Variants in LRRC20 observed in about 807,000 individuals in gnomAD.
LRRC20 encodes the protein leucine-rich repeat-containing protein 20.
A neutral mutation model predicts 14.4 loss-of-function variants in LRRC20; 11 were observed. The observed-to-expected ratio is 0.77, with a 90% CI of 0.48 to 1.27. The LOEUF (loss-of-function observed/expected upper bound fraction) is 1.27, where lower values mean the gene tolerates loss of function less well. LRRC20 is among the 50% of genes most tolerant of loss of function. The pLI is 0.00. For synonymous variants in LRRC20, 121 were observed against 107.3 expected (o/e 1.13, Z -0.79); for missense variants, 219 against 251.2 (o/e 0.87, Z 0.87).
intron 3 of LRRC20, among the ~76,000 whole-genome samples, chr10:70,325,987 A>G (rs527880417): frequency 6.6e-6 from 1 of 152,246 alleles, no homozygotes; most frequent in Non-Finnish European, 1.5e-5. Context: ...GGTAAAATTC[A>G]TGCTCAATTT....
chr10:70,374,225 C>A (rs1372046498), intron 2 of LRRC20, among the ~76,000 whole-genome samples: 1 of 152,186 alleles, frequency 6.6e-6, no homozygotes, highest in Non-Finnish European at 1.5e-5. Context: ...CTCTCTCAAA[C>A]AGCACCCATC....
At chr10:70,312,859 A>C (rs1350367691) in intron 4 of LRRC20, among the ~76,000 whole-genome samples, 1 of 152,202 alleles carries the variant, frequency 6.6e-6, no homozygotes, top group Non-Finnish European at 1.5e-5. Flanking sequence ...CCCCATCAAT[A>C]GGATGGGAAG....
In LRRC20 at chr10:70,377,828, T is replaced by C. The variant is rs529111738; in HGVS notation, c.-63-1232A>G. On this transcript the variant is annotated intron_variant, in intron 1 of 4. Coordinates refer to ENST00000446961, the MANE Select transcript of LRRC20 (RefSeq NM_001278212.2). ...AGGGAGTTACTGTGAGTTTAGTATG[T>C]GTGTGCATTTCCACTAAAGAGGCTG... is the stretch of plus-strand genomic sequence containing the variant. 2.3e-3 allele frequency among the ~76,000 whole-genome samples: 353 copies of C among 152,364 alleles called. 1 individual carries two copies. Among genetic ancestry groups the C allele is most frequent in the Non-Finnish European group, 3.8e-3 (261 of 68,034 alleles).
In LRRC20 at chr10:70,323,846, G is replaced by A. The variant is rs376467984; in HGVS notation, c.400+17C>T. On this transcript the variant is annotated intron_variant, in intron 4 of 4. Transcript: ENST00000446961. ...CTCGTGCAGCAGCCCAGGGCCAGGT[G>A]GGCCAGGCCCACTCACCTACGATCT... is the stretch of plus-strand genomic sequence containing the variant. 3 of 1,613,612 alleles carry A rather than the reference G, an allele frequency of 1.9e-6. No homozygotes were observed. Among genetic ancestry groups the A allele is most frequent in the South Asian group, 1.1e-5 (1 of 91,076 alleles).
intron 4 of LRRC20, among the ~76,000 whole-genome samples, chr10:70,315,897 G>A (rs1005859396): frequency 1.3e-5 from 2 of 152,054 alleles, no homozygotes; most frequent in Admixed American, 6.6e-5. Flanking sequence ...GTGTCTCAGC[G>A]TACTGACTTG....
At chr10:70,363,863 A>G (rs1843857826) in intron 2 of LRRC20, among the ~76,000 whole-genome samples, 1 of 152,006 alleles carries the variant, frequency 6.6e-6, no homozygotes, top group African/African-American at 2.4e-5. Flanking sequence ...CACACCACAG[A>G]GGAGGCAGAG....
chr10:70,320,172 G>A (rs1842023330), intron 4 of LRRC20, among the ~76,000 whole-genome samples: 1 of 152,170 alleles, frequency 6.6e-6, no homozygotes, highest in Non-Finnish European at 1.5e-5. Flanking sequence ...AGCTAGGGAG[G>A]ACGGGTGACT....
Position 70,342,837 on chromosome 10 carries a change from G to A in LRRC20, c.83-2135C>T, listed in dbSNP as rs559002291. ...TGGTGTCCAGTCAGCCCCCAACCTC[G>A]AACCCCAGCAGCACTCATCGAGCGT... On this transcript the variant is annotated intron_variant, in intron 2 of 4. Transcript: ENST00000446961. 8.6e-5 allele frequency among the ~76,000 whole-genome samples: 13 copies of A among 151,860 alleles called. No individual in the cohort carries two copies. The East Asian group carries it at 2.5e-3, about 29-fold the overall frequency.
At chr10:70,326,953 C>A (rs1485501595) in intron 3 of LRRC20, among the ~76,000 whole-genome samples, 1 of 152,216 alleles carries the variant, frequency 6.6e-6, no homozygotes, top group African/African-American at 2.4e-5. Flanking sequence ...GCCACCGCGC[C>A]CGGCAGACAT....
chr10:70,376,782 G>A, intron 1 of LRRC20, 186 bp from the exon 2 acceptor site: 1 of 526,578 alleles, frequency 1.9e-6, no homozygotes, highest in South Asian at 2.2e-5. Context: ...CTTTGCACAA[G>A]CTGGTCTGCC....
At chr10:70,382,051 G>A (rs1405140865) in intron 1 of LRRC20, 7 of 152,312 alleles carry the variant, frequency 4.6e-5, no homozygotes, top group African/African-American at 1.7e-4. Context: ...GCTGGCAGAG[G>A]GAAGAATGGT....
intron 3 of LRRC20, among the ~76,000 whole-genome samples, chr10:70,331,051 G>A (rs1178295421): frequency 6.6e-6 from 1 of 152,198 alleles, no homozygotes; most frequent in African/African-American, 2.4e-5. Flanking sequence ...GTCCCCATCC[G>A]TGAAGACGTG....
rs577392743 is a variant in LRRC20, at chr10:70,319,512, G to A, written c.400+4351C>T. On this transcript the variant is annotated intron_variant, in intron 4 of 4. Coordinates refer to ENST00000446961, the MANE Select transcript of LRRC20 (RefSeq NM_001278212.2). ...TAGAAACCCTCCCACAAGGACACGAGGACAGCCACCCTCCCACTGAGAGTC... is the reference window on the plus strand; with the variant it reads ...TAGAAACCCTCCCACAAGGACACGAAGACAGCCACCCTCCCACTGAGAGTC... Among the ~76,000 whole-genome samples, 18 of 152,216 alleles carry A rather than the reference G, an allele frequency of 1.2e-4. No individual in the cohort carries two copies. The South Asian group carries it at 3.7e-3, about 32-fold the overall frequency.
chr10:70,358,206 C>T (rs1279824954), intron 2 of LRRC20, among the ~76,000 whole-genome samples: 2 of 152,204 alleles, frequency 1.3e-5, no homozygotes, highest in Non-Finnish European at 1.5e-5. Flanking sequence ...CAGAAATGAA[C>T]ACAGCCTATG....
At chr10:70,308,132 G>A (rs897590696) in intron 4 of LRRC20, among the ~76,000 whole-genome samples, 3 of 152,162 alleles carry the variant, frequency 2.0e-5, no homozygotes, top group African/African-American at 7.2e-5. Context: ...ACCACTCATA[G>A]AAGGCCAAAG....
chr10:70,346,324 G>A (rs1280113194), intron 2 of LRRC20, among the ~76,000 whole-genome samples: 1 of 152,162 alleles, frequency 6.6e-6, no homozygotes, highest in Non-Finnish European at 1.5e-5. Flanking sequence ...GATGAGGTGG[G>A]AGGATCACTT....
chr10:70,340,971 G>A (rs773091426), intron 2 of LRRC20, among the ~76,000 whole-genome samples: 36 of 152,274 alleles, frequency 2.4e-4, no homozygotes, highest in African/African-American at 7.7e-4. Flanking sequence ...AGCCAGAATC[G>A]TGTCTGCCGG....
intron 1 of LRRC20, chr10:70,381,513 C>T (rs1410613517): frequency 6.6e-6 from 1 of 152,240 alleles, no homozygotes; most frequent in African/African-American, 2.4e-5. Flanking sequence ...ATCTGCAGTC[C>T]GGAGACCTCT....
chr10:70,306,659 TTG>T (rs755927527), intron 4 of LRRC20, among the ~76,000 whole-genome samples: 10 of 152,300 alleles, frequency 6.6e-5, no homozygotes, highest in East Asian at 3.9e-4. Context: ...ATAATTACTA[TTG>T]TGTGTTTTTT....
Sources: gnomAD v4.1 joint callset for allele counts (sites outside exome capture counted in the v4.1 genomes callset) on GRCh38, gnomAD v4.1.1 for gene constraint, MANE v1.5 for transcripts, NCBI Gene and HGNC (gene_info 2026-07-23, HGNC 2026-07-21) for gene names.